DENND1A: variants seen among roughly 807,000 people sequenced by gnomAD.
DENND1A encodes DENN domain containing 1A.
A neutral mutation model predicts 113.7 loss-of-function variants in DENND1A; 51 were observed. The observed-to-expected ratio is 0.45, with a 90% CI of 0.36 to 0.57. The LOEUF (loss-of-function observed/expected upper bound fraction) is 0.57. Ranked by LOEUF, DENND1A falls within the 20% of genes least tolerant of loss-of-function variation. The pLI is 0.00. For missense variants in DENND1A, 1,258 were observed against 1,395.9 expected (o/e 0.90, Z 1.57); for synonymous variants, 565 against 570.8 (o/e 0.99, Z 0.14).
At chr9:123,912,978 A>C (rs1372941074) in intron 1 of DENND1A, among the ~76,000 whole-genome samples, 1 of 152,106 alleles carries the variant, frequency 6.6e-6, no homozygotes, top group Non-Finnish European at 1.5e-5. Context: ...CAGTGTAGTA[A>C]CGGAATCCTT....
chr9:123,761,104 T>A (rs960607270), intron 4 of DENND1A, among the ~76,000 whole-genome samples: 1 of 152,234 alleles, frequency 6.6e-6, no homozygotes, highest in African/African-American at 2.4e-5. Flanking sequence ...TTGTGTGTCA[T>A]TAATTTCCTA....
chr9:123,842,994 T>A (rs925282708), intron 2 of DENND1A: 113 of 416,238 alleles, frequency 2.7e-4, no homozygotes, highest in Admixed American at 1.3e-3. Flanking sequence ...GTTCCCCAAG[T>A]CCCTTCCCCA....
At chr9:123,711,522 T>TATATATATATATATATATATATATAC (rs1564998453) in intron 5 of DENND1A, among the ~76,000 whole-genome samples, 1 of 142,882 alleles carries the variant, frequency 7.0e-6, no homozygotes, top group African/African-American at 2.7e-5. Context: ...TGTATATATA[T>TATATATATATATATATATATATATAC]ATATATATAT....
chr9:123,737,762 T>C (rs1223913005), intron 5 of DENND1A, among the ~76,000 whole-genome samples: 1 of 152,186 alleles, frequency 6.6e-6, no homozygotes, highest in Admixed American at 6.5e-5. Flanking sequence ...TCATAAGCAA[T>C]GCTCATCTTT....
intron 18 of DENND1A, 89 bp from the exon 19 acceptor site, chr9:123,440,580 ACT>A (rs2046857375): frequency 7.0e-7 from 1 of 1,431,964 alleles, no homozygotes; most frequent in African/African-American, 1.5e-5. Context: ...CTGCCAGGCG[ACT>A]CTCTCCGTGA....
intron 2 of DENND1A, among the ~76,000 whole-genome samples, chr9:123,794,285 C>T (rs577073851): frequency 3.3e-5 from 5 of 152,146 alleles, no homozygotes; most frequent in Non-Finnish European, 5.9e-5. Flanking sequence ...GGGTGAACAA[C>T]GGGGAACAAG....
chr9:123,762,297 G>A (rs2071106265), intron 4 of DENND1A, among the ~76,000 whole-genome samples: 1 of 152,248 alleles, frequency 6.6e-6, no homozygotes, highest in Non-Finnish European at 1.5e-5. Flanking sequence ...AGCCTTAGCT[G>A]TGCTTCTTGT....
chr9:123,799,621 A>T (rs1228035497), intron 2 of DENND1A, among the ~76,000 whole-genome samples: 1 of 152,228 alleles, frequency 6.6e-6, no homozygotes, highest in African/African-American at 2.4e-5. Flanking sequence ...CGGCACGCCC[A>T]CTTCTGAAGC....
At chr9:123,557,014 T>A (rs1217464863) in intron 13 of DENND1A, among the ~76,000 whole-genome samples, 1 of 152,038 alleles carries the variant, frequency 6.6e-6, no homozygotes, top group African/African-American at 2.4e-5. Flanking sequence ...CACTTCCCGG[T>A]CTTCATTGTG....
intron 3 of DENND1A, among the ~76,000 whole-genome samples, chr9:123,789,184 T>C (rs1832642301): frequency 1.3e-5 from 2 of 152,042 alleles, no homozygotes; most frequent in Admixed American, 6.6e-5. Flanking sequence ...TATTGAGTGC[T>C]ACAGTGATTT....
intron 21 of DENND1A, among the ~76,000 whole-genome samples, chr9:123,398,254 C>A (rs371435411): frequency 1.3e-5 from 2 of 152,264 alleles, no homozygotes; most frequent in Non-Finnish European, 2.9e-5. Context: ...AGAGATGCAC[C>A]CCGGGATCAG....
At chr9:123,692,249 C>T (rs1257804386) in intron 5 of DENND1A, among the ~76,000 whole-genome samples, 1 of 152,198 alleles carries the variant, frequency 6.6e-6, no homozygotes, top group Non-Finnish European at 1.5e-5. Context: ...TCTGTTATGA[C>T]TGTTAGGTAG....
At chr9:123,874,804 G>A (rs951282193) in intron 2 of DENND1A, among the ~76,000 whole-genome samples, 1 of 152,222 alleles carries the variant, frequency 6.6e-6, no homozygotes, top group African/African-American at 2.4e-5. Flanking sequence ...AGAGCAGTAA[G>A]TGTAGACTAC....
intron 12 of DENND1A, among the ~76,000 whole-genome samples, chr9:123,576,785 C>G (rs1227917255): frequency 6.6e-6 from 1 of 152,180 alleles, no homozygotes; most frequent in Non-Finnish European, 1.5e-5. Flanking sequence ...ATATAGAATT[C>G]TGGGTTGATA....
At chr9:123,585,277 A>G (rs2059107842) in intron 11 of DENND1A, among the ~76,000 whole-genome samples, 1 of 152,170 alleles carries the variant, frequency 6.6e-6, no homozygotes. Context: ...GAGGGACACA[A>G]TTGCCGATGT....
chr9:123,443,989 C>G (rs1335417438), intron 18 of DENND1A, among the ~76,000 whole-genome samples: 1 of 152,000 alleles, frequency 6.6e-6, no homozygotes, highest in Non-Finnish European at 1.5e-5. Context: ...CATTCAAATT[C>G]TCTGTTCTAT....
At chr9:123,494,309 G>A (rs570944981) in intron 13 of DENND1A, among the ~76,000 whole-genome samples, 7 of 152,180 alleles carry the variant, frequency 4.6e-5, no homozygotes, top group Admixed American at 2.0e-4. Context: ...TTTAACTCCT[G>A]GTTTTGCCAT....
chr9:123,775,807 C>T (rs916124372), intron 3 of DENND1A, among the ~76,000 whole-genome samples: 2 of 152,198 alleles, frequency 1.3e-5, no homozygotes, highest in Non-Finnish European at 2.9e-5. Context: ...AGGCTCCAAG[C>T]CTCCCTGAGG....
At chr9:123,757,973 AG>A (rs1469307125) in intron 4 of DENND1A, 151 bp from the exon 5 acceptor site, 1,275 of 493,892 alleles carry the variant, frequency 2.6e-3, no homozygotes, top group Non-Finnish European at 3.0e-3. Flanking sequence ...ACTGTAAGCT[AG>A]TTAAAAAAAA....
Sources: gnomAD v4.1 joint callset for allele counts (sites outside exome capture counted in the v4.1 genomes callset) on GRCh38, gnomAD v4.1.1 for gene constraint, MANE v1.5 for transcripts, NCBI Gene and HGNC (gene_info 2026-07-23, HGNC 2026-07-21) for gene names.